The following TMPRSS11F variants were observed in gnomAD, a reference collection of about 807,000 sequenced individuals.
TMPRSS11F encodes the protein transmembrane serine protease 11F.
A neutral mutation model predicts 60.2 loss-of-function variants in TMPRSS11F; 47 were observed. That is an observed-to-expected ratio of 0.78 (90% CI 0.62 to 1.00). The LOEUF is 1.00. TMPRSS11F is among the 50% of genes least tolerant of loss of function. The pLI is 0.00. For missense variants in TMPRSS11F, 519 were observed against 522.9 expected (o/e 0.99, Z 0.07); for synonymous variants, 166 against 167.3 (o/e 0.99, Z 0.06).
chr4:68,064,506 A>G (rs370064433), intron 8 of TMPRSS11F, among the ~76,000 whole-genome samples, 179 bp downstream of exon 8: 1 of 151,764 alleles, frequency 6.6e-6, no homozygotes, highest in Non-Finnish European at 1.5e-5. Flanking sequence ...CCAATTGTAA[A>G]CTCAAATACA....
chr4:68,119,386 T>A (rs1724581477), intron 1 of TMPRSS11F, among the ~76,000 whole-genome samples: 2 of 152,108 alleles, frequency 1.3e-5, no homozygotes, highest in Non-Finnish European at 2.9e-5. Context: ...CTGATAAAGG[T>A]GGGTAAACTA....
chr4:68,111,942 G>A (rs1331015346), intron 1 of TMPRSS11F, among the ~76,000 whole-genome samples: 5 of 151,918 alleles, frequency 3.3e-5, no homozygotes, highest in African/African-American at 1.2e-4. Context: ...CAATGATTTG[G>A]GTTAAGTTCT....
intron 8 of TMPRSS11F, chr4:68,063,148 G>GCAGCATCAGGATAATAAACACCCAAA (rs755325701): frequency 3.3e-6 from 2 of 611,036 alleles, no homozygotes; most frequent in Non-Finnish European, 3.2e-6. Context: ...AGAAAAAGAA[G>GCAGCATCAGGATAATAAACACCCAAA]CAGCATCAGG....
At chr4:68,112,584 A>G (rs779673933) in intron 1 of TMPRSS11F, among the ~76,000 whole-genome samples, 1 of 152,166 alleles carries the variant, frequency 6.6e-6, no homozygotes, top group African/African-American at 2.4e-5. Context: ...GCCTCTAAAA[A>G]ATACTACTAA....
chr4:68,118,117 G>A (rs183653945), intron 1 of TMPRSS11F, among the ~76,000 whole-genome samples: 1 of 151,916 alleles, frequency 6.6e-6, no homozygotes, highest in Non-Finnish European at 1.5e-5. Context: ...AAATAACCAG[G>A]GTCTCATATC....
intron 8 of TMPRSS11F, among the ~76,000 whole-genome samples, chr4:68,063,672 G>A (rs1577911237): frequency 6.6e-6 from 1 of 151,900 alleles, no homozygotes; most frequent in African/African-American, 2.4e-5. Context: ...AGCCATCACC[G>A]CTGGCCTAAT....
chr4:68,068,600 C>A lies in TMPRSS11F; in HGVS notation c.755+18G>T. 1 of 1,608,020 alleles carries A rather than the reference C, an allele frequency of 6.2e-7. No individual in the cohort carries two copies. The highest frequency in any genetic ancestry group is 1.3e-5 in the African/African-American group (1 of 74,880). On this transcript the variant is annotated intron_variant, in intron 7 of 9. Transcript: ENST00000356291. ...AGGACTGTGAAAAGAAGGCTCACAG[C>A]AGCCTTGGTTAACTTACTTCCAAAA...
intron 1 of TMPRSS11F, among the ~76,000 whole-genome samples, chr4:68,114,393 G>A (rs1440937648): frequency 1.3e-5 from 2 of 151,878 alleles, no homozygotes; most frequent in Non-Finnish European, 2.9e-5. Context: ...TATTACCATA[G>A]ACCTATTAAA....
intron 3 of TMPRSS11F, among the ~76,000 whole-genome samples, chr4:68,074,585 C>T (rs545400199): frequency 6.6e-6 from 1 of 152,338 alleles, no homozygotes; most frequent in African/African-American, 2.4e-5. Context: ...TGCCATGTGA[C>T]TCTGACACCC....
rs763534314 is a variant in TMPRSS11F at position 68,090,587 on chromosome 4, T to C, written c.218A>G (p.Lys73Arg). 6.2e-7 allele frequency: 1 copy of C among 1,602,060 alleles called. No homozygotes were observed. Among genetic ancestry groups the C allele is most frequent in the South Asian group, 1.1e-5 (1 of 90,456 alleles). ...TGAAGATCTTATGCCATAATTTTCTTTATATTTGATATTTGTGACTTTAAA... is the reference window on the plus strand; with the variant it reads ...TGAAGATCTTATGCCATAATTTTCTCTATATTTGATATTTGTGACTTTAAA... Reference protein sequence around the residue: ...ASFKVTNIKYKENYGIRSSRE... With the variant: ...ASFKVTNIKYRENYGIRSSRE... The change falls in exon 3 of 10, where the codon AAA becomes AGA. Residue 73 changes from lysine to arginine, a missense_variant. Physicochemically the swap from Lys to Arg is conservative, Grantham distance 26 (BLOSUM62 2). Coordinates refer to ENST00000356291, the MANE Select transcript of TMPRSS11F (RefSeq NM_207407.2).
At chr4:68,059,175 C>G (rs552558077) in intron 9 of TMPRSS11F, 151 bp downstream of exon 9, 16 of 806,252 alleles carry the variant, frequency 2.0e-5, no homozygotes, top group African/African-American at 1.4e-4. Context: ...ACACTCAATA[C>G]AATTATTGTT....
Position 68,091,757 on chromosome 4 carries a change from C to CTATCTATCTATCTA in TMPRSS11F, c.164-1117_164-1116insTAGATAGATAGATA, listed in dbSNP as rs1247094446. On this transcript the variant is annotated intron_variant, in intron 2 of 9. Coordinates refer to ENST00000356291, the MANE Select transcript of TMPRSS11F (RefSeq NM_207407.2). ...CCCATTTAATCTCTAATCTCTCTCTCTCTCTCTCTCTCTCTCTCTCTCTCT... is the reference window on the plus strand; with the variant it reads ...CCCATTTAATCTCTAATCTCTCTCTCTATCTATCTATCTATCTCTCTCTCTCTCTCTCTCTCTCT... Among the ~76,000 whole-genome samples the CTATCTATCTATCTA allele has an allele frequency of 6.3e-3, 673 of 106,574 alleles. 5 individuals are homozygous for CTATCTATCTATCTA. Among genetic ancestry groups the CTATCTATCTATCTA allele is most frequent in the African/African-American group, 0.021 (533 of 25,108 alleles). 69.9% of individuals were successfully genotyped at this position (106,574 alleles called of 152,430 possible).
intron 3 of TMPRSS11F, among the ~76,000 whole-genome samples, chr4:68,075,822 G>A (rs755340047): frequency 1.1e-4 from 16 of 151,818 alleles, no homozygotes; most frequent in Non-Finnish European, 2.2e-4. Context: ...GTGACACCCC[G>A]TCTCTACTAA....
chr4:68,062,163 AGT>A, intron 8 of TMPRSS11F: 1 of 417,062 alleles, frequency 2.4e-6, no homozygotes, highest in Admixed American at 3.0e-5. Flanking sequence ...TAATATGTAG[AGT>A]GATATTAAAA....
In TMPRSS11F at chr4:68,053,781, G is replaced by A. The variant is rs1722987609; in HGVS notation, c.*128C>T. On this transcript the variant is annotated 3_prime_UTR_variant, in exon 10 of 10. Transcript: ENST00000356291. ...AAGGCCACCTCAGGATATTAGATTT[G>A]TCTGGGTCTGAAGGGCTTCTTGACA... 2 of 894,264 alleles carry A rather than the reference G, an allele frequency of 2.2e-6. No individual in the cohort carries two copies. Among genetic ancestry groups the A allele is most frequent in the Non-Finnish European group, 3.3e-6 (2 of 597,024 alleles). The allele number at this position is 894,264 out of a possible 1,614,324, so 55.4% of individuals were successfully genotyped here.
At chr4:68,079,295 G>T (rs1225539449) in intron 3 of TMPRSS11F, among the ~76,000 whole-genome samples, 1 of 151,986 alleles carries the variant, frequency 6.6e-6, no homozygotes, top group Non-Finnish European at 1.5e-5. Flanking sequence ...TGAACCCAGG[G>T]AAGCCATCTT....
Position 68,090,530 on chromosome 4 carries a change from TC to T in TMPRSS11F, c.274del (p.Glu92LysfsTer3). 6.3e-7 allele frequency: 1 copy of T among 1,584,812 alleles called. No homozygotes were observed. The highest frequency in any genetic ancestry group is 8.6e-7 in the Non-Finnish European group (1 of 1,168,372). ...REFIERSHQI[E>X]RMMSRIFRHS... ...AATTTCTGTTGAGCTTACCATTCTT[TC>T]AATCTGATGACTCCTTTCTATAAAC... is the stretch of plus-strand genomic sequence containing the variant. On this transcript the variant is annotated frameshift_variant, in exon 3 of 10. Coordinates refer to ENST00000356291, the MANE Select transcript of TMPRSS11F (RefSeq NM_207407.2). LOFTEE classifies it high-confidence loss of function.
intron 1 of TMPRSS11F, among the ~76,000 whole-genome samples, chr4:68,117,203 C>T (rs1724539881): frequency 6.6e-6 from 1 of 152,032 alleles, no homozygotes; most frequent in Non-Finnish European, 1.5e-5. Context: ...CGCGGTGGCT[C>T]ACGCTTGTAA....
intron 1 of TMPRSS11F, among the ~76,000 whole-genome samples, chr4:68,111,458 T>A (rs1053076884): frequency 1.3e-5 from 2 of 152,178 alleles, no homozygotes; most frequent in African/African-American, 4.8e-5. Context: ...ACCCTTCAGT[T>A]TCTTCATCTG....
Sources: allele counts gnomAD v4.1 joint callset (sites outside exome capture counted in the v4.1 genomes callset), GRCh38; gene constraint gnomAD v4.1.1; transcripts MANE v1.5; gene names NCBI Gene and HGNC (gene_info 2026-07-23, HGNC 2026-07-21).